ABR: variants seen among roughly 807,000 people sequenced by gnomAD.
ABR encodes the protein active breakpoint cluster region-related protein.
ABR carries 35 observed loss-of-function variants against 107.2 expected under a neutral mutation model. The ratio of observed to expected loss-of-function variants is 0.33; its 90% CI spans 0.25 to 0.43. ABR has a LOEUF of 0.43. Ranked by LOEUF, ABR falls within the 20% of genes least tolerant of loss-of-function variation. ABR has a pLI of 1.00. For synonymous variants in ABR, 498 were observed against 462.0 expected (o/e 1.08, Z -1.00); for missense variants, 815 against 1,115.2 (o/e 0.73, Z 3.83).
intron 1 of ABR, among the ~76,000 whole-genome samples, chr17:1,213,725 G>A (rs536168697): frequency 6.6e-6 from 1 of 151,674 alleles, no homozygotes; most frequent in African/African-American, 2.4e-5. Context: ...GTCCTTCTGT[G>A]CTAGCTTCTC....
At chr17:1,080,016 A>G (rs993691433) in intron 5 of ABR, among the ~76,000 whole-genome samples, 3 of 151,478 alleles carry the variant, frequency 2.0e-5, no homozygotes, top group Admixed American at 2.0e-4. Context: ...CGACTCAGGA[A>G]CCCTACACGT....
intron 2 of ABR, chr17:1,108,980 G>A: frequency 6.3e-7 from 1 of 1,597,826 alleles, no homozygotes; most frequent in Non-Finnish European, 8.5e-7. Flanking sequence ...GCTGGTCGGG[G>A]TTCCCAGCTC....
intron 2 of ABR, among the ~76,000 whole-genome samples, chr17:1,109,340 G>T (rs1486578864): frequency 6.6e-6 from 1 of 151,798 alleles, no homozygotes; most frequent in African/African-American, 2.4e-5. Context: ...CGAACCCGCC[G>T]CACAGCAGCC....
chr17:1,174,065 T>A (rs2151609579), intron 1 of ABR, among the ~76,000 whole-genome samples: 1 of 152,306 alleles, frequency 6.6e-6, no homozygotes, highest in South Asian at 2.1e-4. Flanking sequence ...AAGTCTTCCA[T>A]CCTACTCGCA....
intron 1 of ABR, among the ~76,000 whole-genome samples, chr17:1,156,874 G>A (rs561787952): frequency 4.6e-5 from 7 of 152,302 alleles, no homozygotes; most frequent in Admixed American, 4.6e-4. Flanking sequence ...CAGGCAGCCT[G>A]AGAAGTGGCT....
At chr17:1,088,737 T>G (rs1464073383) in intron 4 of ABR, among the ~76,000 whole-genome samples, 16 of 150,636 alleles carry the variant, frequency 1.1e-4, no homozygotes, top group Non-Finnish European at 1.5e-5. Flanking sequence ...CACAGGTGCG[T>G]GTTATCATGC....
rs529341242 is a variant in ABR at position 1,047,920 on chromosome 17, CA to C, written c.1791+2129del. 3.3e-3 allele frequency among the ~76,000 whole-genome samples: 505 copies of C among 152,322 alleles called. 5 individuals carry two copies. Among genetic ancestry groups the C allele is most frequent in the African/African-American group, 0.012 (482 of 41,564 alleles). On this transcript the variant is annotated intron_variant, in intron 16 of 22. Coordinates refer to ENST00000302538, the MANE Select transcript of ABR (RefSeq NM_021962.5). ...GCTGAGTTCTCGAGGGGCTGGGGCCCACCGTGCCCACGGGGCTGGCTGCCCG... is the reference window on the plus strand; with the variant it reads ...GCTGAGTTCTCGAGGGGCTGGGGCCCCCGTGCCCACGGGGCTGGCTGCCCG...
upstream of ABR, among the ~76,000 whole-genome samples, chr17:1,180,459 C>T (rs926606852): frequency 3.3e-5 from 5 of 152,176 alleles, no homozygotes; most frequent in African/African-American, 1.2e-4. Context: ...CGTCCCTTTC[C>T]ACACCCCTGA....
At chr17:1,035,135 C>G (rs1567621275) in intron 16 of ABR, among the ~76,000 whole-genome samples, 2 of 151,798 alleles carry the variant, frequency 1.3e-5, no homozygotes, top group Non-Finnish European at 2.9e-5. Flanking sequence ...AAGCCCGACT[C>G]ATTGCTTCCT....
At chr17:1,220,968 G>GCTA (rs1412134283) in intron 1 of ABR, among the ~76,000 whole-genome samples, 8 of 152,100 alleles carry the variant, frequency 5.3e-5, no homozygotes, top group African/African-American at 1.9e-4. Context: ...CATGTAAAAG[G>GCTA]CTACTGCCTT....
chr17:1,121,869 G>A (rs1372423600), intron 2 of ABR, among the ~76,000 whole-genome samples: 1 of 152,154 alleles, frequency 6.6e-6, no homozygotes, highest in Non-Finnish European at 1.5e-5. Flanking sequence ...GCGGTATGAG[G>A]ACACTTGCCC....
intron 1 of ABR, among the ~76,000 whole-genome samples, chr17:1,214,086 C>T (rs925587116): frequency 4.6e-5 from 7 of 151,992 alleles, no homozygotes; most frequent in African/African-American, 1.7e-4. Context: ...GAGGTTTCAT[C>T]ATGTTGGTCA....
chr17:1,133,182 C>A (rs781376963), intron 1 of ABR, among the ~76,000 whole-genome samples: 2 of 150,672 alleles, frequency 1.3e-5, no homozygotes, highest in Non-Finnish European at 2.9e-5. Flanking sequence ...GTGGAGGTTG[C>A]GGTGAGCCAA....
At chr17:1,020,690 C>A (rs1459434561) in intron 16 of ABR, among the ~76,000 whole-genome samples, 1 of 152,214 alleles carries the variant, frequency 6.6e-6, no homozygotes, top group Non-Finnish European at 1.5e-5. Flanking sequence ...AGCAAAGTGG[C>A]CCCGCAGCGG....
intron 14 of ABR, among the ~76,000 whole-genome samples, chr17:1,053,333 G>A (rs1275766169): frequency 1.1e-5 from 1 of 95,198 alleles, no homozygotes; most frequent in Non-Finnish European, 2.2e-5. Flanking sequence ...TCAGAGGGAG[G>A]GTTCGAGAAG....
rs537010695 is a variant in ABR, at chr17:1,210,400, A to G, written c.838+18393T>C. ...CGTTATCACTCAGCTTCTCTGCACT[A>G]TCGTCCAGGTGTCACTCAGTTTCTC... On this transcript the variant is annotated intron_variant, in intron 1 of 22. Coordinates refer to the ABR transcript ENST00000574139. This position sits in a 1 kb window ranked among gnomAD's most constrained non-coding sequence, Gnocchi z 5.6. Among the ~76,000 whole-genome samples the G allele has an allele frequency of 1.3e-5, 2 of 150,326 alleles. No individual in the cohort carries two copies. Among genetic ancestry groups the G allele is most frequent in the African/African-American group, 4.9e-5 (2 of 41,228 alleles).
Position 1,073,729 on chromosome 17 carries a change from C to G in ABR, c.701-52G>C, listed in dbSNP as rs539031919. The G allele has an allele frequency of 4.8e-5, 72 of 1,510,188 alleles. No homozygotes were observed. The East Asian group carries it at 1.6e-3, about 34-fold the overall frequency. The allele number at this position is 1,510,188 out of a possible 1,614,324, so 93.5% of individuals were successfully genotyped here. On this transcript the variant is annotated intron_variant, in intron 6 of 22. Transcript: ENST00000302538. ...GAAGAGGATGATGGACGAGGGCAACCCAACACCCCAGAGACCAGCTTCGTC... is the reference window on the plus strand; with the variant it reads ...GAAGAGGATGATGGACGAGGGCAACGCAACACCCCAGAGACCAGCTTCGTC...
At position 1,109,161 on chromosome 17, in the gene ABR, G is replaced by T. The variant is rs1043057770; in HGVS notation, c.247-8426C>A. The stretch of plus-strand genomic sequence containing the variant: ...AGGGAGGAGGCGGGCGGGAGGGGGG[G>T]CAGGTCTACACCCGCGCGCCCGGCC... On this transcript the variant is annotated intron_variant, in intron 2 of 22. Coordinates refer to ENST00000302538, the MANE Select transcript of ABR (RefSeq NM_021962.5). 1.8e-5 allele frequency: 16 copies of T among 908,946 alleles called. No homozygotes were observed. In the East Asian group the frequency reaches 2.1e-4, roughly 12 times the overall value. The allele number at this position is 908,946 out of a possible 1,614,324, so 56.3% of individuals were successfully genotyped here. A position where few individuals can be genotyped will look rare whatever the true frequency, so the allele number is the denominator to read the frequency against.
At chr17:1,227,896 T>C (rs1026390066) in intron 1 of ABR, among the ~76,000 whole-genome samples, 3 of 152,202 alleles carry the variant, frequency 2.0e-5, no homozygotes, top group Non-Finnish European at 4.4e-5. Context: ...CCATTATGCG[T>C]TGAGCTTTGA....
Sources: allele counts gnomAD v4.1 joint callset (sites outside exome capture counted in the v4.1 genomes callset), GRCh38; gene constraint gnomAD v4.1.1; non-coding constraint Gnocchi (gnomAD v3.1); transcripts MANE v1.5; gene names NCBI Gene and HGNC (gene_info 2026-07-23, HGNC 2026-07-21).